The following CMIP variants were observed in gnomAD, a reference collection of about 807,000 sequenced individuals.
CMIP encodes the protein c-Maf inducing protein, also known as C-Maf-inducing protein.
CMIP carries 13 observed loss-of-function variants against 97.3 expected under a neutral mutation model. That is an observed-to-expected ratio of 0.13 (90% CI 0.09 to 0.21). The LOEUF is 0.21. Among genes scored for constraint, CMIP ranks in the 10% least tolerant of loss-of-function variants. CMIP has a pLI of 1.00. For missense variants in CMIP, 847 were observed against 1,024.9 expected, an observed-to-expected ratio of 0.83 and a Z score of 2.37; for synonymous variants, 538 against 436.3, an observed-to-expected ratio of 1.23 and a Z score of -2.91.
At chr16:81,611,574 T>G (rs1412738836) in intron 2 of CMIP, among the ~76,000 whole-genome samples, 1 of 152,066 alleles carries the variant, frequency 6.6e-6, no homozygotes, top group East Asian at 1.9e-4. Flanking sequence ...CTCCTTCCCC[T>G]TCTGTCCCCT....
chr16:81,488,957 T>G (rs949517676), intron 1 of CMIP, among the ~76,000 whole-genome samples: 7 of 144,850 alleles, frequency 4.8e-5, no homozygotes, highest in Admixed American at 2.1e-4. Context: ...GTTTCATTCA[T>G]GCTTCATTCT....
At position 81,604,679 on chromosome 16, in the gene CMIP, G is replaced by A. The variant is rs544960806; in HGVS notation, c.301-2888G>A. On this transcript the variant is annotated intron_variant, in intron 1 of 20. Transcript: ENST00000537098. ...CGCGCCACTGCAGTCCAGCCTGGGC[G>A]ACAGAGCAAGACTCCGTCTCAAACA... 7.2e-5 allele frequency among the ~76,000 whole-genome samples: 11 copies of A among 152,250 alleles called. No individual in the cohort carries two copies. In the East Asian group the frequency reaches 1.7e-3, roughly 24 times the overall value.
intron 1 of CMIP, among the ~76,000 whole-genome samples, chr16:81,606,576 C>T (rs1369155499): frequency 2.6e-5 from 4 of 152,094 alleles, no homozygotes; most frequent in Admixed American, 6.5e-5. Flanking sequence ...CAACAATGAC[C>T]AATACTAATA....
intron 1 of CMIP, among the ~76,000 whole-genome samples, chr16:81,566,704 T>A (rs1353408134): frequency 6.6e-6 from 1 of 152,142 alleles, no homozygotes; most frequent in Non-Finnish European, 1.5e-5. Context: ...TAAACAAGAA[T>A]ATTCAGAGCA....
At chr16:81,566,106 C>T (rs1181980490) in intron 1 of CMIP, among the ~76,000 whole-genome samples, 2 of 152,236 alleles carry the variant, frequency 1.3e-5, no homozygotes, top group African/African-American at 4.8e-5. Flanking sequence ...AGCGAGGCTT[C>T]TGCCACTCTG....
intron 1 of CMIP, among the ~76,000 whole-genome samples, chr16:81,468,845 G>C (rs1302349144): frequency 6.6e-6 from 1 of 152,230 alleles, no homozygotes; most frequent in Non-Finnish European, 1.5e-5. Flanking sequence ...GGCCTGGTGA[G>C]GCCTGGCACA....
At chr16:81,684,759 C>T (rs751616839) in intron 10 of CMIP, among the ~76,000 whole-genome samples, 1 of 152,230 alleles carries the variant, frequency 6.6e-6, no homozygotes, top group Non-Finnish European at 1.5e-5. Context: ...CAGCAGGATG[C>T]ATCAGGCACC....
At chr16:81,607,381 T>A (rs1200470746) in intron 1 of CMIP, among the ~76,000 whole-genome samples, 186 bp from the exon 2 acceptor site, 1 of 152,212 alleles carries the variant, frequency 6.6e-6, no homozygotes. Context: ...GTGAACCCCC[T>A]TGCAGCTGGA....
chr16:81,677,423 C>T (rs1904384646), intron 9 of CMIP, among the ~76,000 whole-genome samples: 1 of 152,202 alleles, frequency 6.6e-6, no homozygotes, highest in Admixed American at 6.5e-5. Context: ...TGTGACTGCA[C>T]TTAGCACCTT....
intron 1 of CMIP, among the ~76,000 whole-genome samples, chr16:81,501,120 C>A (rs1164232057): frequency 1.3e-5 from 2 of 152,242 alleles, no homozygotes; most frequent in Non-Finnish European, 2.9e-5. Flanking sequence ...TCTGAAACTT[C>A]AGGCCAGCGT....
chr16:81,570,274 A>G (rs1218411374), intron 1 of CMIP, among the ~76,000 whole-genome samples: 1 of 152,154 alleles, frequency 6.6e-6, no homozygotes, highest in South Asian at 2.1e-4. Context: ...GGACCTTCCA[A>G]AAGCCAATCC....
chr16:81,693,249 C>T (rs1193748716), intron 12 of CMIP, 65 bp downstream of exon 12: 1 of 1,505,130 alleles, frequency 6.6e-7, no homozygotes, highest in African/African-American at 1.4e-5. Flanking sequence ...GAGGTCTTCC[C>T]TCCGTGGCCC....
At chr16:81,579,627 C>A (rs12923364) in intron 1 of CMIP, among the ~76,000 whole-genome samples, 152 of 151,020 alleles carry the variant, frequency 1.0e-3, no homozygotes, top group African/African-American at 3.3e-3. Context: ...CCTGCTCCCC[C>A]CTGAAGGCAA....
intron 1 of CMIP, among the ~76,000 whole-genome samples, chr16:81,542,790 A>G (rs1424019401): frequency 1.3e-5 from 2 of 152,134 alleles, no homozygotes; most frequent in Non-Finnish European, 2.9e-5. Context: ...TGACCTCCTC[A>G]AACCCTAATC....
intron 1 of CMIP, among the ~76,000 whole-genome samples, chr16:81,572,373 A>G (rs2091107953): frequency 6.6e-6 from 1 of 152,164 alleles, no homozygotes; most frequent in Non-Finnish European, 1.5e-5. Flanking sequence ...ACCACCTTGC[A>G]GATGTGCTGG....
intron 13 of CMIP, chr16:81,695,585 T>A (rs1051633350): frequency 6.6e-5 from 10 of 152,242 alleles, no homozygotes; most frequent in Admixed American, 2.0e-4. Flanking sequence ...GTCCTTTGTG[T>A]TTCCTGCACG....
intron 1 of CMIP, among the ~76,000 whole-genome samples, chr16:81,585,256 T>C (rs951608160): frequency 6.6e-6 from 1 of 152,168 alleles, no homozygotes. Flanking sequence ...GCAGGAGAAT[T>C]GTTTGAACTC....
chr16:81,490,961 G>A (rs1380796981), intron 1 of CMIP, among the ~76,000 whole-genome samples: 1 of 152,104 alleles, frequency 6.6e-6, no homozygotes, highest in Non-Finnish European at 1.5e-5. Context: ...TTTTCTCCTG[G>A]CTGTGTGGAG....
At position 81,621,666 on chromosome 16, in the gene CMIP, G is replaced by C. The variant is rs555157626; in HGVS notation, c.477+740G>C. 6.5e-6 allele frequency: 1 copy of C among 152,866 alleles called. No homozygotes were observed. Among genetic ancestry groups the C allele is most frequent in the African/African-American group, 2.4e-5 (1 of 41,586 alleles). The allele number at this position is 152,866 out of a possible 1,614,324, so 9.5% of individuals were successfully genotyped here. A position where few individuals can be genotyped will look rare whatever the true frequency, so the allele number is the denominator to read the frequency against. On this transcript the variant is annotated intron_variant, in intron 3 of 20. Transcript: ENST00000537098. The surrounding 1 kb of genome is among the most constrained non-coding windows in gnomAD (Gnocchi z 4.1). ...TTTGACAGGCCCCTGGCCCCACAGC[G>C]GGTATGGCTGGAATGACCAGTGTGT...
Sources: gnomAD v4.1 joint callset for allele counts (sites outside exome capture counted in the v4.1 genomes callset) on GRCh38, gnomAD v4.1.1 for gene constraint, Gnocchi (gnomAD v3.1) non-coding constraint, MANE v1.5 for transcripts, NCBI Gene and HGNC (gene_info 2026-07-23, HGNC 2026-07-21) for gene names.